Variants in KDM1B observed in about 807,000 individuals in gnomAD.
The protein encoded by KDM1B is lysine-specific histone demethylase 2.
A neutral mutation model predicts 107.4 loss-of-function variants in KDM1B; 63 were observed. The observed-to-expected ratio is 0.59, with a 90% CI of 0.48 to 0.72. The LOEUF is 0.72. Ranked by LOEUF, KDM1B falls within the 30% of genes least tolerant of loss-of-function variation. KDM1B has a pLI of 0.00. For synonymous variants in KDM1B, 363 were observed against 363.9 expected (o/e 1.00, Z 0.03); for missense variants, 749 against 1,020.8 (o/e 0.73, Z 3.63).
intron 7 of KDM1B, among the ~76,000 whole-genome samples, chr6:18,181,617 G>A (rs904977469): frequency 4.6e-5 from 7 of 151,906 alleles, no homozygotes; most frequent in Admixed American, 3.3e-4. Flanking sequence ...CTGGTGACGC[G>A]CTCCTGTAGT....
Position 18,185,757 on chromosome 6 carries a change from G to A in KDM1B, c.535-15G>A. On this transcript the variant is annotated splice_polypyrimidine_tract_variant and intron_variant, in intron 7 of 21. Coordinates refer to ENST00000650836, the MANE Select transcript of KDM1B (RefSeq NM_001364614.2). ...TATAAGCAACCCTAATTTAACACTT[G>A]GTTTTCTTTTGTAGCCTGAGACCTC... 6.2e-7 allele frequency: 1 copy of A among 1,612,074 alleles called. No homozygotes were observed. Among genetic ancestry groups the A allele is most frequent in the African/African-American group, 1.3e-5 (1 of 74,968 alleles).
intron 7 of KDM1B, among the ~76,000 whole-genome samples, chr6:18,180,643 C>T (rs1321886629): frequency 6.6e-6 from 1 of 152,122 alleles, no homozygotes; most frequent in Non-Finnish European, 1.5e-5. Flanking sequence ...TAGGCCTACT[C>T]CAGCCTCTGC....
chr6:18,172,255 G>T lies in KDM1B; in HGVS notation c.534+776G>T, dbSNP rs978427142. Among the ~76,000 whole-genome samples, 4 of 152,124 alleles carry T rather than the reference G, an allele frequency of 2.6e-5. No individual in the cohort carries two copies. Among genetic ancestry groups the T allele is most frequent in the African/African-American group, 9.7e-5 (4 of 41,414 alleles). ...AAACCTATTATTATTGCTTTAGTGC[G>T]TTAAGGGTGTTAGTCTACACAAATG... On this transcript the variant is annotated intron_variant, in intron 7 of 21. Coordinates refer to ENST00000650836, the MANE Select transcript of KDM1B (RefSeq NM_001364614.2). The surrounding 1 kb of genome is among the most constrained non-coding windows in gnomAD (Gnocchi z 5.2).
At chr6:18,176,520 C>T (rs1354404256) in intron 7 of KDM1B, among the ~76,000 whole-genome samples, 1 of 152,074 alleles carries the variant, frequency 6.6e-6, no homozygotes, top group East Asian at 1.9e-4. Flanking sequence ...ATTGGGCATC[C>T]TTGTTTTGTT....
chr6:18,156,029 T>TG (rs1239805943), intron 2 of KDM1B, 103 bp downstream of exon 2: 1 of 152,134 alleles, frequency 6.6e-6, no homozygotes, highest in Non-Finnish European at 1.5e-5. Flanking sequence ...GGCTCCCTCC[T>TG]GGGGACTGTC....
intron 17 of KDM1B, among the ~76,000 whole-genome samples, chr6:18,208,628 T>TATATATATATATATATATATATATATATA (rs1491350264): frequency 3.1e-4 from 5 of 16,238 alleles, no homozygotes; most frequent in Non-Finnish European, 4.2e-4. Flanking sequence ...TATATATATA[T>TATATATATATATATATATATATATATATA]TTTTTTTTTT....
chr6:18,181,865 T>G (rs898484220), intron 7 of KDM1B, among the ~76,000 whole-genome samples: 28 of 152,320 alleles, frequency 1.8e-4, no homozygotes, highest in African/African-American at 6.5e-4. Context: ...AAAAAATAAA[T>G]TATATAACAC....
Position 18,207,424 on chromosome 6 carries a change from T to C in KDM1B, c.1686T>C (p.Asn562=). 2 of 1,614,176 alleles carry C rather than the reference T, an allele frequency of 1.2e-6. No homozygotes were observed. The highest frequency in any genetic ancestry group is 1.1e-5 in the South Asian group (1 of 91,082). The part of the protein sequence containing the change: ...HQVSARSWDH[N]EFFAQFAGDH... ...TATCTGCTCGCTCGTGGGACCACAA[T>C]GAATTCTTTGCCCAGTTTGCTGGTG... The change falls in exon 16 of 22, where the codon AAT becomes AAC. Residue 562 remains asparagine, a synonymous_variant. Transcript: ENST00000650836.
At chr6:18,160,353 A>G (rs1269466619) in intron 3 of KDM1B, among the ~76,000 whole-genome samples, 3 of 152,178 alleles carry the variant, frequency 2.0e-5, no homozygotes, top group East Asian at 3.8e-4. Context: ...AGGGTTATGT[A>G]TAGGGCTTTT....
intron 20 of KDM1B, among the ~76,000 whole-genome samples, chr6:18,217,476 T>C (rs2151043360): frequency 6.6e-6 from 1 of 151,630 alleles, no homozygotes; most frequent in Middle Eastern, 3.4e-3. Flanking sequence ...CCTCCTGGGT[T>C]CACGCCATTC....
chr6:18,202,305 G>A (rs929896565), intron 14 of KDM1B, among the ~76,000 whole-genome samples: 2 of 151,794 alleles, frequency 1.3e-5, no homozygotes, highest in Non-Finnish European at 2.9e-5. Context: ...AGGCTGAGGT[G>A]GAAGGATAGC....
At position 18,212,367 on chromosome 6, in the gene KDM1B, A is replaced by G; in HGVS notation, c.1867-121A>G. The stretch of plus-strand genomic sequence containing the variant: ...CACCCTTGTGCAGTGAGCAACCTGC[A>G]CAGTTGCACATGGCAGCCCTTGTTC... On this transcript the variant is annotated intron_variant, in intron 17 of 21. Transcript: ENST00000650836. This position sits in a 1 kb window ranked among gnomAD's most constrained non-coding sequence, Gnocchi z 5.2. 1.3e-6 allele frequency: 1 copy of G among 746,844 alleles called. No individual in the cohort carries two copies. Among genetic ancestry groups the G allele is most frequent in the Non-Finnish European group, 2.4e-6 (1 of 412,150 alleles). The allele number at this position is 746,844 out of a possible 1,614,324, so 46.3% of individuals were successfully genotyped here. A position where few individuals can be genotyped will look rare whatever the true frequency, so the allele number is the denominator to read the frequency against.
chr6:18,180,896 G>C (rs1156265737), intron 7 of KDM1B, among the ~76,000 whole-genome samples: 2 of 152,156 alleles, frequency 1.3e-5, no homozygotes, highest in African/African-American at 4.8e-5. Context: ...ATTTTGTTCT[G>C]TGCTTTGACT....
intron 7 of KDM1B, among the ~76,000 whole-genome samples, chr6:18,175,233 C>T (rs4712328): frequency 0.74 from 111,947 of 152,166 alleles, 41,502 homozygotes; most frequent in East Asian, 0.8. Flanking sequence ...TTTCCCCAAT[C>T]GTTAGTGATG....
rs1486187417 is a variant in KDM1B at position 18,222,964 on chromosome 6, T to C, written c.*972T>C. 1.3e-5 allele frequency: 2 copies of C among 152,596 alleles called. No homozygotes were observed. The highest frequency in any genetic ancestry group is 4.8e-5 in the African/African-American group (2 of 41,454). The allele number at this position is 152,596 out of a possible 1,614,324, so 9.5% of individuals were successfully genotyped here. ...GAAAAATGTGAGCTCTCCTGGTAAATAGTATACATTTTATAAGCTATATTT... is the reference window on the plus strand; with the variant it reads ...GAAAAATGTGAGCTCTCCTGGTAAACAGTATACATTTTATAAGCTATATTT... On this transcript the variant is annotated 3_prime_UTR_variant, in exon 22 of 22. Coordinates refer to ENST00000650836, the MANE Select transcript of KDM1B (RefSeq NM_001364614.2).
In KDM1B at chr6:18,211,906, A is replaced by G. The variant is rs1788875365; in HGVS notation, c.1867-582A>G. On this transcript the variant is annotated intron_variant, in intron 17 of 21. Coordinates refer to ENST00000650836, the MANE Select transcript of KDM1B (RefSeq NM_001364614.2). The surrounding 1 kb of genome is among the most constrained non-coding windows in gnomAD (Gnocchi z 5.2). Reference sequence around the variant, plus strand: ...ATGCATAAAGTTCTCCTGACTCCATAGTTAGGGCTCTTTCCTCCTCAAGTA... The same window carrying G: ...ATGCATAAAGTTCTCCTGACTCCATGGTTAGGGCTCTTTCCTCCTCAAGTA... 1 of 154,044 alleles carries G rather than the reference A, an allele frequency of 6.5e-6. No individual in the cohort carries two copies. The highest frequency in any genetic ancestry group is 1.4e-5 in the Non-Finnish European group (1 of 70,176). The allele number at this position is 154,044 out of a possible 1,614,324, so 9.5% of individuals were successfully genotyped here. A position where few individuals can be genotyped will look rare whatever the true frequency, so the allele number is the denominator to read the frequency against.
At chr6:18,220,810 C>T (rs1371332970) in intron 21 of KDM1B, among the ~76,000 whole-genome samples, 4 of 149,316 alleles carry the variant, frequency 2.7e-5, no homozygotes, top group Non-Finnish European at 5.9e-5. Flanking sequence ...CTCGCTGTGT[C>T]GCACAGGCTG....
intron 9 of KDM1B, among the ~76,000 whole-genome samples, chr6:18,190,629 G>C (rs1311813527): frequency 1.4e-5 from 2 of 147,954 alleles, no homozygotes; most frequent in African/African-American, 5.0e-5. Flanking sequence ...AGCTGGGCAT[G>C]GTAGCTCATG....
At chr6:18,157,749 C>G (rs1456909504) in intron 2 of KDM1B, among the ~76,000 whole-genome samples, 4 of 149,152 alleles carry the variant, frequency 2.7e-5, no homozygotes, top group Non-Finnish European at 5.9e-5. Context: ...AGTGGACAGC[C>G]TTTTGAAAAT....
Sources: allele counts gnomAD v4.1 joint callset (sites outside exome capture counted in the v4.1 genomes callset), GRCh38; gene constraint gnomAD v4.1.1; non-coding constraint Gnocchi (gnomAD v3.1); transcripts MANE v1.5; gene names NCBI Gene and HGNC (gene_info 2026-07-23, HGNC 2026-07-21).